The following RANBP2 variants were observed in gnomAD, a reference collection of about 807,000 sequenced individuals.
The protein encoded by RANBP2 is E3 SUMO-protein ligase RanBP2.
RANBP2 carries 57 observed loss-of-function variants against 303.6 expected under a neutral mutation model. That is an observed-to-expected ratio of 0.19 (90% CI 0.15 to 0.23). RANBP2 has a LOEUF of 0.23. RANBP2 is among the 10% of genes least tolerant of loss of function. The probability of loss-of-function intolerance (pLI) is 1.00; values close to 1 mark genes in which losing one functional copy is unlikely to be tolerated. For missense variants in RANBP2, 3,138 were observed against 3,780.8 expected, an observed-to-expected ratio of 0.83 and a Z score of 4.46; for synonymous variants, 1,167 against 1,301.5, an observed-to-expected ratio of 0.90 and a Z score of 2.23.
At chr2:109,501,450 C>T in the RANBP2 span, 2 of 732,368 alleles carry the variant, frequency 2.7e-6, no homozygotes, top group Admixed American at 1.8e-5. Flanking sequence ...AAAGCACGAC[C>T]CAGCAGATGG....
At chr2:109,007,684 C>G in the RANBP2 span, among the ~76,000 whole-genome samples, 2 of 152,180 alleles carry the variant, frequency 1.3e-5, no homozygotes, top group Non-Finnish European at 2.9e-5. Context: ...AGCATGGGCC[C>G]TTCACCCACT....
chr2:109,594,914 G>A, the RANBP2 span: 1 of 151,480 alleles, frequency 6.6e-6, no homozygotes. Flanking sequence ...TTGAGACAGA[G>A]TCTCACTCCG....
chr2:109,418,403 G>T, the RANBP2 span, among the ~76,000 whole-genome samples: 1 of 152,290 alleles, frequency 6.6e-6, no homozygotes, highest in Admixed American at 6.5e-5. Flanking sequence ...CCCAAGTCAA[G>T]GTGTGGACAG....
chr2:109,413,530 CTCTCTGTG>C, the RANBP2 span, among the ~76,000 whole-genome samples: 1 of 152,190 alleles, frequency 6.6e-6, no homozygotes, highest in Non-Finnish European at 1.5e-5. Context: ...ACCTCTGTCT[CTCTCTGTG>C]TCTCTGTGTC....
chr2:109,343,418 C>T, the RANBP2 span, among the ~76,000 whole-genome samples: 1,578 of 152,122 alleles, frequency 0.01, 23 homozygotes, highest in African/African-American at 0.035. Context: ...AAGGTTCATT[C>T]CCCCTCTTGG....
the RANBP2 span, among the ~76,000 whole-genome samples, chr2:109,706,042 C>T: frequency 2.6e-5 from 4 of 152,152 alleles, no homozygotes; most frequent in Non-Finnish European, 5.9e-5. Context: ...CATGCCCCAC[C>T]TATTAGAATA....
the RANBP2 span, among the ~76,000 whole-genome samples, chr2:109,265,765 A>G: frequency 2.0e-5 from 3 of 152,252 alleles, no homozygotes; most frequent in African/African-American, 7.2e-5. Flanking sequence ...AATTTAAAAA[A>G]AGAGATTGGC....
chr2:109,655,903 G>T, the RANBP2 span, among the ~76,000 whole-genome samples: 1 of 152,058 alleles, frequency 6.6e-6, no homozygotes, highest in Admixed American at 6.6e-5. Context: ...TATCAATCTG[G>T]CCCTGGGCAG....
At chr2:108,953,065 C>T in the RANBP2 span, among the ~76,000 whole-genome samples, 4 of 152,296 alleles carry the variant, frequency 2.6e-5, no homozygotes, top group East Asian at 7.7e-4. Context: ...TATAGGCATG[C>T]AATGCGTAAT....
At chr2:109,066,975 A>G in the RANBP2 span, among the ~76,000 whole-genome samples, 1 of 152,212 alleles carries the variant, frequency 6.6e-6, no homozygotes, top group African/African-American at 2.4e-5. Context: ...TAAAGCGCAC[A>G]AGACGCAGAC....
chr2:108,891,014 G>C, the RANBP2 span, among the ~76,000 whole-genome samples: 2 of 151,380 alleles, frequency 1.3e-5, no homozygotes, highest in Non-Finnish European at 2.9e-5. Context: ...TTTCTGTTTG[G>C]TTCTTTAAAA....
the RANBP2 span, among the ~76,000 whole-genome samples, chr2:109,197,926 C>T: frequency 6.6e-6 from 1 of 152,232 alleles, no homozygotes; most frequent in South Asian, 2.1e-4. Context: ...TAGCTGGCCC[C>T]TTGGGCAGCC....
chr2:109,530,060 C>T, the RANBP2 span, among the ~76,000 whole-genome samples: 1 of 152,178 alleles, frequency 6.6e-6, no homozygotes, highest in Non-Finnish European at 1.5e-5. Flanking sequence ...GTCTAATGAA[C>T]AGACAGTTCT....
the RANBP2 span, among the ~76,000 whole-genome samples, chr2:109,568,931 A>T: frequency 2.0e-5 from 3 of 152,234 alleles, no homozygotes; most frequent in African/African-American, 7.2e-5. Flanking sequence ...TATCACTGAC[A>T]GAGGGCAAGA....
the RANBP2 span, among the ~76,000 whole-genome samples, chr2:109,193,304 C>T: frequency 6.6e-6 from 1 of 152,218 alleles, no homozygotes; most frequent in Non-Finnish European, 1.5e-5. Context: ...AGACAGAATT[C>T]ACATACCGTG....
At chr2:109,705,295 C>T in the RANBP2 span, among the ~76,000 whole-genome samples, 2 of 151,694 alleles carry the variant, frequency 1.3e-5, no homozygotes, top group Non-Finnish European at 2.9e-5. Flanking sequence ...ATCCCAGCTA[C>T]CCGGGAAGGC....
At chr2:109,657,847 G>A in the RANBP2 span, among the ~76,000 whole-genome samples, 1,242 of 149,176 alleles carry the variant, frequency 8.3e-3, 26 homozygotes, top group African/African-American at 0.028. Flanking sequence ...AGCCTTCTCA[G>A]TAGCTGGTAT....
chr2:109,601,176 T>TG, the RANBP2 span, among the ~76,000 whole-genome samples: 1 of 152,188 alleles, frequency 6.6e-6, no homozygotes, highest in African/African-American at 2.4e-5. Flanking sequence ...TCCTAGAGAC[T>TG]GGGGGATGAA....
the RANBP2 span, among the ~76,000 whole-genome samples, chr2:109,688,897 T>C: frequency 6.6e-6 from 1 of 150,976 alleles, no homozygotes; most frequent in Non-Finnish European, 1.5e-5. Flanking sequence ...CCTTCCTTCC[T>C]TCCTTCCTTT....
Sources: allele counts gnomAD v4.1 joint callset (sites outside exome capture counted in the v4.1 genomes callset), GRCh38; gene constraint gnomAD v4.1.1; transcripts MANE v1.5; gene names NCBI Gene and HGNC (gene_info 2026-07-23, HGNC 2026-07-21).